Variants in MYO16 observed in about 807,000 individuals in gnomAD.
MYO16 encodes the protein unconventional myosin-XVI.
In MYO16, 94 loss-of-function variants were observed where a neutral mutation model predicts 205.3. The ratio of observed to expected loss-of-function variants is 0.46; its 90% CI spans 0.39 to 0.54. The LOEUF (loss-of-function observed/expected upper bound fraction) is 0.54, where lower values mean the gene tolerates loss of function less well. Among genes scored for constraint, MYO16 ranks in the 20% least tolerant of loss-of-function variants. The pLI is 0.00. For synonymous variants in MYO16, 988 were observed against 954.0 expected (o/e 1.04, Z -0.66); for missense variants, 2,315 against 2,387.5 (o/e 0.97, Z 0.63).
intron 4 of MYO16, among the ~76,000 whole-genome samples, chr13:108,737,351 C>T (rs981633702): frequency 9.2e-5 from 14 of 152,020 alleles, no homozygotes; most frequent in African/African-American, 3.1e-4. Context: ...GCATGAAGGG[C>T]TGTTGAATTT....
chr13:109,172,683 A>AC (rs1702270416), intron 33 of MYO16, among the ~76,000 whole-genome samples: 2 of 152,234 alleles, frequency 1.3e-5, no homozygotes, highest in Non-Finnish European at 1.5e-5. Flanking sequence ...TACTTCATGG[A>AC]CTGCTGTATT....
At chr13:108,749,472 C>G (rs917326345) in intron 4 of MYO16, among the ~76,000 whole-genome samples, 2 of 152,080 alleles carry the variant, frequency 1.3e-5, no homozygotes, top group African/African-American at 4.8e-5. Context: ...TAACAGACAC[C>G]TCAACCAAAG....
chr13:109,165,014 C>G lies in MYO16; in HGVS notation c.5278C>G (p.Leu1760Val). Reference sequence around the variant, plus strand: ...CCATGGAATTCAGTTATCTAATTCACTATCTAGTGCTATAACTGCTGAAAA... The same window carrying G: ...CCATGGAATTCAGTTATCTAATTCAGTATCTAGTGCTATAACTGCTGAAAA... ...NNHGIQLSNS[L>V]SSAITAENGN... is the part of the protein sequence containing the mutation. Residue 1760 changes from leucine (L) to valine (V), a missense_variant, in exon 33 of 35, where the codon CTA (leucine) becomes GTA (valine). Coordinates refer to ENST00000457511, the MANE Select transcript of MYO16 (RefSeq NM_001198950.3). 1 of 1,598,672 alleles carries G rather than the reference C, an allele frequency of 6.3e-7. No homozygotes were observed. Among genetic ancestry groups the G allele is most frequent in the South Asian group, 1.1e-5 (1 of 88,002 alleles).
intron 14 of MYO16, among the ~76,000 whole-genome samples, chr13:108,892,737 TA>T (rs1880231607): frequency 6.6e-6 from 1 of 152,144 alleles, no homozygotes; most frequent in Admixed American, 6.5e-5. Flanking sequence ...AAAGGAACAA[TA>T]GTTTCCCCTC....
At chr13:109,057,035 C>G (rs527448563) in intron 27 of MYO16, among the ~76,000 whole-genome samples, 3 of 152,162 alleles carry the variant, frequency 2.0e-5, no homozygotes, top group Middle Eastern at 3.4e-3. Flanking sequence ...TTTGAGGAAG[C>G]TGTGAAACAA....
At chr13:108,811,286 T>G (rs1446727466) in intron 7 of MYO16, among the ~76,000 whole-genome samples, 1 of 152,180 alleles carries the variant, frequency 6.6e-6, no homozygotes, top group Non-Finnish European at 1.5e-5. Flanking sequence ...TTGTGATTTA[T>G]TTCTTCTTTG....
chr13:108,978,884 ATTATT>A (rs1438010413), intron 20 of MYO16, among the ~76,000 whole-genome samples: 3 of 151,946 alleles, frequency 2.0e-5, no homozygotes, highest in Non-Finnish European at 2.9e-5. Flanking sequence ...ATAGATTCAG[ATTATT>A]TTCTTTCTTT....
chr13:108,987,108 T>A, intron 20 of MYO16, among the ~76,000 whole-genome samples: 1 of 152,142 alleles, frequency 6.6e-6, no homozygotes, highest in East Asian at 1.9e-4. Flanking sequence ...TCGCAAGGGG[T>A]CCGCAGTTCT....
At chr13:109,185,532 G>T (rs1460489994) in intron 34 of MYO16, among the ~76,000 whole-genome samples, 1 of 152,076 alleles carries the variant, frequency 6.6e-6, no homozygotes, top group African/African-American at 2.4e-5. Flanking sequence ...GATTAGATTG[G>T]ATCAAGAGAA....
chr13:108,546,438 T>C, the MYO16 span, among the ~76,000 whole-genome samples: 1 of 152,164 alleles, frequency 6.6e-6, no homozygotes, highest in Non-Finnish European at 1.5e-5. Context: ...AATGTGGCAA[T>C]GCAATATCTC....
intron 20 of MYO16, among the ~76,000 whole-genome samples, chr13:108,978,782 T>A (rs1027739935): frequency 6.6e-6 from 1 of 152,026 alleles, no homozygotes; most frequent in Non-Finnish European, 1.5e-5. Context: ...GATCATATAC[T>A]CCTTTAATGT....
At chr13:109,147,060 A>C (rs1478109156) in intron 32 of MYO16, among the ~76,000 whole-genome samples, 1 of 152,116 alleles carries the variant, frequency 6.6e-6, no homozygotes, top group Non-Finnish European at 1.5e-5. Flanking sequence ...TCTCGAAGCC[A>C]GGGCGTCATT....
At chr13:109,185,374 G>A (rs1270956346) in intron 34 of MYO16, among the ~76,000 whole-genome samples, 5 of 152,032 alleles carry the variant, frequency 3.3e-5, no homozygotes, top group Admixed American at 3.3e-4. Flanking sequence ...CTAGCATGAT[G>A]CTGCCTGGAA....
chr13:108,587,595 A>G, the MYO16 span, among the ~76,000 whole-genome samples: 1 of 152,316 alleles, frequency 6.6e-6, no homozygotes, highest in Admixed American at 6.5e-5. Context: ...GAGATTGACA[A>G]GGTATATTTT....
Position 109,180,195 on chromosome 13 carries a change from A to C in MYO16, c.5415+562A>C, listed in dbSNP as rs369521385. ...ATTACTGATTGCATGTAAATGTTTTATGTGTCTCTTCCTAACAATTTCACC... is the reference window on the plus strand; with the variant it reads ...ATTACTGATTGCATGTAAATGTTTTCTGTGTCTCTTCCTAACAATTTCACC... On this transcript the variant is annotated intron_variant, in intron 34 of 34. Transcript: ENST00000457511. 1.0e-3 allele frequency among the ~76,000 whole-genome samples: 153 copies of C among 152,316 alleles called. No homozygotes were observed. In the South Asian group the frequency reaches 0.028, roughly 28 times the overall value.
At chr13:108,555,666 A>G in the MYO16 span, among the ~76,000 whole-genome samples, 1 of 152,202 alleles carries the variant, frequency 6.6e-6, no homozygotes, top group Non-Finnish European at 1.5e-5. Flanking sequence ...TGTAATTACC[A>G]TGTTGTGTAA....
intron 28 of MYO16, among the ~76,000 whole-genome samples, chr13:109,116,398 C>T (rs185453734): frequency 5.3e-5 from 8 of 152,204 alleles, no homozygotes; most frequent in South Asian, 4.2e-4. Flanking sequence ...CCTACCATTG[C>T]GCATGTCTGC....
intron 27 of MYO16, among the ~76,000 whole-genome samples, chr13:109,091,497 C>T (rs946173865): frequency 1.4e-4 from 22 of 152,172 alleles, no homozygotes; most frequent in Non-Finnish European, 2.6e-4. Flanking sequence ...TTGATGCCAT[C>T]GTAATCTAGT....
chr13:108,816,139 A>G (rs2139005043), intron 7 of MYO16, among the ~76,000 whole-genome samples: 1 of 152,328 alleles, frequency 6.6e-6, no homozygotes, highest in African/African-American at 2.4e-5. Context: ...CTCACTTGAA[A>G]TGTACCACAA....
Sources: gnomAD v4.1 joint callset for allele counts (sites outside exome capture counted in the v4.1 genomes callset) on GRCh38, gnomAD v4.1.1 for gene constraint, MANE v1.5 for transcripts, NCBI Gene and HGNC (gene_info 2026-07-23, HGNC 2026-07-21) for gene names.